Variants in COL5A1 observed in about 807,000 individuals in gnomAD.
COL5A1 encodes the protein collagen type V alpha 1 chain.
COL5A1 carries 16 observed loss-of-function variants against 263.7 expected under a neutral mutation model. The observed-to-expected ratio is 0.06, with a 90% CI of 0.04 to 0.09. The LOEUF (loss-of-function observed/expected upper bound fraction) is 0.09, where lower values mean the gene tolerates loss of function less well. Ranked by LOEUF, COL5A1 falls within the 10% of genes least tolerant of loss-of-function variation. The pLI is 1.00. For missense variants in COL5A1, 2,036 were observed against 2,540.5 expected, an observed-to-expected ratio of 0.80 and a Z score of 4.27; for synonymous variants, 1,012 against 1,004.5, an observed-to-expected ratio of 1.01 and a Z score of -0.14.
intron 32 of COL5A1, among the ~76,000 whole-genome samples, chr9:134,791,674 G>A (rs931165817): frequency 8.6e-5 from 13 of 152,046 alleles, no homozygotes; most frequent in African/African-American, 2.4e-4. Flanking sequence ...CTGGGCGCTG[G>A]CTTGCCTTCT....
intron 59 of COL5A1, among the ~76,000 whole-genome samples, chr9:134,822,722 C>CCCCCCG (rs1554807632): frequency 1.3e-5 from 2 of 150,332 alleles, no homozygotes; most frequent in African/African-American, 4.9e-5. Flanking sequence ...TCCGCTGCGC[C>CCCCCCG]CCCCCCGCGG....
Position 134,754,398 on chromosome 9 carries a change from G to C in COL5A1, c.1827+72G>C. The stretch of plus-strand genomic sequence containing the variant: ...TGGAGGAGCCCAAATCTGGGGTGCG[G>C]GCACCCCCAACAGCCAGCTGGGCCA... On this transcript the variant is annotated intron_variant, in intron 16 of 65. Transcript: ENST00000371817. The surrounding 1 kb of genome is among the most constrained non-coding windows in gnomAD (Gnocchi z 4.3). The C allele has an allele frequency of 5.2e-6, 8 of 1,545,248 alleles. No individual in the cohort carries two copies. The highest frequency in any genetic ancestry group is 2.2e-5 in the East Asian group (1 of 44,582).
rs1323688837 is a variant in COL5A1 at position 134,756,779 on chromosome 9, T to G, written c.1842T>G (p.Ser614Arg). 23 of 1,613,140 alleles carry G rather than the reference T, an allele frequency of 1.4e-5. No homozygotes were observed. The highest frequency in any genetic ancestry group is 1.9e-5 in the Non-Finnish European group (23 of 1,179,892). The change falls in exon 17 of 66, where the codon AGT (serine) becomes AGG (arginine). Residue 614 changes from serine to arginine, a missense_variant. Coordinates refer to ENST00000371817, the MANE Select transcript of COL5A1 (RefSeq NM_000093.5). ...GKPGRRGRAG[S>R]DGARGMPGQT... ...CTTTGTTCCAGGGTCGGGCTGGGAG[T>G]GATGGAGCCAGAGGAATGCCTGGAC...
chr9:134,671,384 T>G (rs1832535483), intron 1 of COL5A1, among the ~76,000 whole-genome samples: 1 of 152,222 alleles, frequency 6.6e-6, no homozygotes, highest in South Asian at 2.1e-4. Context: ...ATGTGTTCAT[T>G]CAGGGCCCAT....
rs187345008 is a variant in COL5A1 at position 134,811,509 on chromosome 9, G to A, written c.3600G>A (p.Pro1200=). The A allele has an allele frequency of 2.6e-5, 42 of 1,610,624 alleles. No homozygotes were observed. In the East Asian group the frequency reaches 2.7e-4, roughly 10 times the overall value. ...QPGPSGADGE[P]GPRGQQGLFG... Reference sequence around the variant, plus strand: ...CCCTGCAGGGAGCTGACGGCGAGCCGGGGCCTCGGGGCCAGCAGGGCCTTT... The same window carrying A: ...CCCTGCAGGGAGCTGACGGCGAGCCAGGGCCTCGGGGCCAGCAGGGCCTTT... The change falls in exon 46 of 66, where the codon CCG becomes CCA. Residue 1200 remains proline, a synonymous_variant. Transcript: ENST00000371817.
At chr9:134,724,899 G>C (rs73664109) in intron 4 of COL5A1, among the ~76,000 whole-genome samples, 1,617 of 152,080 alleles carry the variant, frequency 0.011, 30 homozygotes, top group African/African-American at 0.037. Flanking sequence ...AACCAGGCTC[G>C]GGTGAACCAG....
chr9:134,700,311 C>T lies in COL5A1; in HGVS notation c.491+189C>T, dbSNP rs1833624133. 6.6e-6 allele frequency among the ~76,000 whole-genome samples: 1 copy of T among 152,190 alleles called. No homozygotes were observed. Among genetic ancestry groups the T allele is most frequent in the Non-Finnish European group, 1.5e-5 (1 of 68,030 alleles). ...AACCTGGGTTATGGTCTTGATTCAT[C>T]CTCTGTGGCTCTGGGGAGTCACTTC... On this transcript the variant is annotated intron_variant, in intron 3 of 65. Coordinates refer to ENST00000371817, the MANE Select transcript of COL5A1 (RefSeq NM_000093.5). The surrounding 1 kb of genome is among the most constrained non-coding windows in gnomAD (Gnocchi z 4.0).
chr9:134,658,633 G>A (rs1440537783), intron 1 of COL5A1, among the ~76,000 whole-genome samples: 1 of 152,226 alleles, frequency 6.6e-6, no homozygotes, highest in Non-Finnish European at 1.5e-5. Context: ...GGCAGTGTGG[G>A]CCTAAAGGCA....
intron 9 of COL5A1, among the ~76,000 whole-genome samples, chr9:134,736,034 C>G (rs1001764595): frequency 6.6e-6 from 1 of 152,028 alleles, no homozygotes; most frequent in African/African-American, 2.4e-5. Context: ...AGCCTGGCAC[C>G]TAGCACCTCT....
intron 1 of COL5A1, among the ~76,000 whole-genome samples, chr9:134,650,366 C>T (rs144839507): frequency 2.3e-4 from 35 of 152,250 alleles, no homozygotes; most frequent in African/African-American, 7.2e-4. Flanking sequence ...CACTCTTTCC[C>T]GTGTGTGGGT....
At chr9:134,816,540 G>A (rs576653764) in intron 52 of COL5A1, among the ~76,000 whole-genome samples, 74 of 152,354 alleles carry the variant, frequency 4.9e-4, no homozygotes, top group African/African-American at 1.7e-3. Context: ...GGCCAAGCGC[G>A]GGGGACTGCG....
chr9:134,749,373 G>T (rs1013633941), intron 11 of COL5A1, among the ~76,000 whole-genome samples: 1 of 152,246 alleles, frequency 6.6e-6, no homozygotes, highest in African/African-American at 2.4e-5. Flanking sequence ...ATCCGGAGAT[G>T]AAAAGGGACC....
chr9:134,797,105 G>A (rs1191974457), intron 36 of COL5A1, among the ~76,000 whole-genome samples: 1 of 152,270 alleles, frequency 6.6e-6, no homozygotes, highest in Non-Finnish European at 1.5e-5. Flanking sequence ...GGGGCAGTCT[G>A]TGGCTGTGTC....
chr9:134,701,586 A>C (rs896701440), intron 4 of COL5A1, among the ~76,000 whole-genome samples: 1 of 152,208 alleles, frequency 6.6e-6, no homozygotes, highest in African/African-American at 2.4e-5. Flanking sequence ...CCAAGGGCCC[A>C]GTACGTGAGT....
chr9:134,694,096 G>A (rs1032680463), intron 2 of COL5A1, among the ~76,000 whole-genome samples: 3 of 152,238 alleles, frequency 2.0e-5, no homozygotes, highest in Admixed American at 6.5e-5. Flanking sequence ...ATCTCTTGGC[G>A]AGAGGGGAAG....
chr9:134,642,886 C>T lies in COL5A1; in HGVS notation c.109+590C>T, dbSNP rs944856599. Among the ~76,000 whole-genome samples the T allele has an allele frequency of 9.8e-5, 15 of 152,316 alleles. No individual in the cohort carries two copies. The highest frequency in any genetic ancestry group is 1.0e-4 in the Non-Finnish European group (7 of 68,020). On this transcript the variant is annotated intron_variant, in intron 1 of 65. Coordinates refer to ENST00000371817, the MANE Select transcript of COL5A1 (RefSeq NM_000093.5). This position sits in a 1 kb window ranked among gnomAD's most constrained non-coding sequence, Gnocchi z 4.5. ...CTAAGTGTTCGGGGGCACTGGGGAC[C>T]CCTGCAGGGTGGTAGACAGCCCTGC...
chr9:134,658,440 T>C (rs1832091940), intron 1 of COL5A1, among the ~76,000 whole-genome samples: 1 of 152,188 alleles, frequency 6.6e-6, no homozygotes, highest in Non-Finnish European at 1.5e-5. Context: ...AAGCCAAGCC[T>C]GCATGTGCCC....
intron 9 of COL5A1, among the ~76,000 whole-genome samples, chr9:134,734,751 G>T (rs1453921239): frequency 2.6e-5 from 4 of 152,198 alleles, no homozygotes; most frequent in African/African-American, 9.7e-5. Context: ...AGACTCAGTG[G>T]CTGATTTTAC....
intron 1 of COL5A1, among the ~76,000 whole-genome samples, chr9:134,676,048 G>C (rs980271647): frequency 5.3e-5 from 8 of 151,854 alleles, no homozygotes; most frequent in African/African-American, 1.9e-4. Flanking sequence ...TTTTGTTTTG[G>C]CATTTTTTTT....
Sources: allele counts gnomAD v4.1 joint callset (sites outside exome capture counted in the v4.1 genomes callset), GRCh38; gene constraint gnomAD v4.1.1; non-coding constraint Gnocchi (gnomAD v3.1); transcripts MANE v1.5; gene names NCBI Gene and HGNC (gene_info 2026-07-23, HGNC 2026-07-21).